RNF220: variants seen among roughly 807,000 people sequenced by gnomAD.
RNF220 encodes the protein E3 ubiquitin-protein ligase RNF220.
Under a neutral mutation model 67.1 loss-of-function variants are expected in RNF220, and 7 were observed. That is an observed-to-expected ratio of 0.10 (90% CI 0.06 to 0.20). The LOEUF (loss-of-function observed/expected upper bound fraction) is 0.20. Ranked by LOEUF, RNF220 falls within the 10% of genes least tolerant of loss-of-function variation. RNF220 has a pLI of 1.00. For missense variants in RNF220, 565 were observed against 740.3 expected (o/e 0.76, Z 2.75); for synonymous variants, 270 against 283.2 (o/e 0.95, Z 0.47).
At chr1:44,448,252 T>C (rs1405448504) in intron 2 of RNF220, among the ~76,000 whole-genome samples, 3 of 152,238 alleles carry the variant, frequency 2.0e-5, no homozygotes, top group African/African-American at 7.2e-5. Flanking sequence ...TGAGCCGAGA[T>C]TGCCGCACTG....
intron 2 of RNF220, among the ~76,000 whole-genome samples, chr1:44,522,959 C>T (rs1282872289): frequency 1.3e-5 from 2 of 152,204 alleles, no homozygotes; most frequent in Non-Finnish European, 2.9e-5. Flanking sequence ...GCAGTCACAA[C>T]CAACAGCAGC....
intron 2 of RNF220, among the ~76,000 whole-genome samples, chr1:44,533,228 C>T (rs553760876): frequency 1.4e-4 from 21 of 152,286 alleles, no homozygotes; most frequent in Admixed American, 1.1e-3. Context: ...TGGTGGCTCA[C>T]GCCTGTAATC....
chr1:44,425,536 A>G (rs561305746), intron 2 of RNF220, among the ~76,000 whole-genome samples: 50 of 152,288 alleles, frequency 3.3e-4, no homozygotes, highest in African/African-American at 1.2e-3. Flanking sequence ...TGGCATGTTT[A>G]CAAGTGGGAG....
At chr1:44,638,008 G>A (rs1266646623) in intron 8 of RNF220, among the ~76,000 whole-genome samples, 1 of 152,246 alleles carries the variant, frequency 6.6e-6, no homozygotes, top group Non-Finnish European at 1.5e-5. Flanking sequence ...GGCAGAGAGC[G>A]GGGCGCAGTG....
At chr1:44,465,410 A>G (rs1298224452) in intron 2 of RNF220, among the ~76,000 whole-genome samples, 1 of 150,106 alleles carries the variant, frequency 6.7e-6, no homozygotes, top group African/African-American at 2.5e-5. Context: ...AAAAATGATC[A>G]ACTTTACTCT....
intron 2 of RNF220, among the ~76,000 whole-genome samples, chr1:44,487,369 TTAAAAAA>T (rs1396208826): frequency 1.5e-4 from 22 of 149,730 alleles, no homozygotes; most frequent in African/African-American, 4.7e-4. Context: ...ATAAATAATT[TTAAAAAA>T]TAAAAAATAA....
intron 2 of RNF220, among the ~76,000 whole-genome samples, chr1:44,446,216 G>A (rs1232156637): frequency 6.6e-6 from 1 of 152,168 alleles, no homozygotes; most frequent in Admixed American, 6.5e-5. Context: ...GCTCAAACTA[G>A]TTCAAAGTAA....
intron 2 of RNF220, among the ~76,000 whole-genome samples, chr1:44,592,570 C>A (rs1344928479): frequency 6.6e-6 from 1 of 152,198 alleles, no homozygotes; most frequent in Non-Finnish European, 1.5e-5. Flanking sequence ...CACTCCCAGG[C>A]CCATACCTGC....
chr1:44,588,391 C>A (rs900465096), intron 2 of RNF220, among the ~76,000 whole-genome samples: 3 of 152,192 alleles, frequency 2.0e-5, no homozygotes, highest in Non-Finnish European at 4.4e-5. Context: ...GCTCTTCAGG[C>A]CTTTCCCTTG....
Position 44,649,598 on chromosome 1 carries a change from G to A in RNF220, c.1446-63G>A, listed in dbSNP as rs150673920. ...TTTGGTTCTGGAATTCAAGGGAGGCGTAGGCTGGAGGTACAGATGAGAGAT... is the reference window on the plus strand; with the variant it reads ...TTTGGTTCTGGAATTCAAGGGAGGCATAGGCTGGAGGTACAGATGAGAGAT... On this transcript the variant is annotated intron_variant, in intron 12 of 14. Transcript: ENST00000361799. This position sits in a 1 kb window ranked among gnomAD's most constrained non-coding sequence, Gnocchi z 5.9. 2.1e-4 allele frequency: 302 copies of A among 1,464,774 alleles called. No individual in the cohort carries two copies. The African/African-American group carries it at 3.1e-3, about 15-fold the overall frequency. 90.7% of individuals were successfully genotyped at this position (1,464,774 alleles called of 1,614,324 possible). A position where few individuals can be genotyped will look rare whatever the true frequency, so the allele number is the denominator to read the frequency against.
At chr1:44,414,667 A>G (rs996060378) in intron 2 of RNF220, among the ~76,000 whole-genome samples, 2 of 152,180 alleles carry the variant, frequency 1.3e-5, no homozygotes, top group African/African-American at 4.8e-5. Flanking sequence ...GAAAAATTAA[A>G]TGAGTCTGTC....
intron 3 of RNF220, among the ~76,000 whole-genome samples, chr1:44,615,328 C>T (rs986215223): frequency 6.6e-6 from 1 of 152,192 alleles, no homozygotes; most frequent in Non-Finnish European, 1.5e-5. Flanking sequence ...TATTAGACCA[C>T]CCAGAATTCA....
At chr1:44,520,424 C>T (rs531238782) in intron 2 of RNF220, among the ~76,000 whole-genome samples, 9 of 152,266 alleles carry the variant, frequency 5.9e-5, no homozygotes, top group Admixed American at 5.9e-4. Flanking sequence ...CGAGATCGCA[C>T]CACTGCACTC....
intron 5 of RNF220, among the ~76,000 whole-genome samples, chr1:44,627,296 G>A (rs1643982596): frequency 7.6e-6 from 1 of 130,846 alleles, no homozygotes; most frequent in Non-Finnish European, 1.5e-5. Flanking sequence ...AGTGAGCTGA[G>A]ACCACGCCAT....
At position 44,635,550 on chromosome 1, in the gene RNF220, A is replaced by G. The variant is rs1452010256; in HGVS notation, c.955A>G (p.Ile319Val). Residue 319 changes from isoleucine to valine, a missense_variant, in exon 7 of 15, where the codon ATT (isoleucine) becomes GTT (valine). By Grantham distance (29) the Ile-to-Val change is conservative. Coordinates refer to ENST00000361799, the MANE Select transcript of RNF220 (RefSeq NM_018150.4). ...TTTTCGGTTTCCCCGTGCAGCTCGG[A>G]TTGGGAAAATGAAACGGAGGAAGCA... ...ANRQTRLNAR[I>V]GKMKRRKQDE... 6.2e-7 allele frequency: 1 copy of G among 1,614,070 alleles called. No homozygotes were observed.
chr1:44,423,859 T>C, intron 2 of RNF220: 1 of 985,394 alleles, frequency 1.0e-6, no homozygotes, highest in Non-Finnish European at 1.2e-6. Context: ...AGGCATGTAG[T>C]GCCAAGAGTA....
intron 5 of RNF220, 83 bp from the exon 6 acceptor site, chr1:44,632,260 G>A (rs777377487): frequency 3.1e-6 from 5 of 1,613,534 alleles, no homozygotes; most frequent in South Asian, 2.2e-5. Flanking sequence ...TCGGGGGTCC[G>A]GTGCTGGGGC....
chr1:44,631,848 G>C lies in RNF220; in HGVS notation c.907-495G>C, dbSNP rs960890492. ...TTCACGGGCGGTGGGAGGGACCCCG[G>C]GGAGGCTTCTGCCGGTTGCTACCCG... On this transcript the variant is annotated intron_variant, in intron 5 of 14. Transcript: ENST00000361799. 69 of 955,050 alleles carry C rather than the reference G, an allele frequency of 7.2e-5. No individual in the cohort carries two copies. In the African/African-American group the frequency reaches 1.2e-3, roughly 16 times the overall value. 59.2% of individuals were successfully genotyped at this position (955,050 alleles called of 1,614,324 possible). A position where few individuals can be genotyped will look rare whatever the true frequency, so the allele number is the denominator to read the frequency against.
chr1:44,432,879 G>C (rs1301200344), intron 2 of RNF220, among the ~76,000 whole-genome samples: 2 of 144,366 alleles, frequency 1.4e-5, no homozygotes, highest in Admixed American at 1.4e-4. Context: ...TGGTATGTAT[G>C]TAAGTTTCAA....
Sources: allele counts gnomAD v4.1 joint callset (sites outside exome capture counted in the v4.1 genomes callset), GRCh38; gene constraint gnomAD v4.1.1; non-coding constraint Gnocchi (gnomAD v3.1); transcripts MANE v1.5; gene names NCBI Gene and HGNC (gene_info 2026-07-23, HGNC 2026-07-21).